Variants in FOXP2 observed in about 807,000 individuals in gnomAD.
FOXP2 encodes the protein forkhead box protein P2.
In FOXP2, 12 loss-of-function variants were observed where a neutral mutation model predicts 115.8. The ratio of observed to expected loss-of-function variants is 0.10; its 90% CI spans 0.07 to 0.17. The LOEUF is 0.17. FOXP2 is among the 10% of genes least tolerant of loss of function. The probability of loss-of-function intolerance (pLI) is 1.00; values close to 1 mark genes in which losing one functional copy is unlikely to be tolerated. For synonymous variants in FOXP2, 328 were observed against 297.7 expected, an observed-to-expected ratio of 1.10 and a Z score of -1.05; for missense variants, 629 against 843.5, an observed-to-expected ratio of 0.75 and a Z score of 3.15.
At chr7:114,521,727 A>T (rs1393046409) in intron 2 of FOXP2, among the ~76,000 whole-genome samples, 1 of 148,028 alleles carries the variant, frequency 6.8e-6, no homozygotes, top group African/African-American at 2.5e-5. Flanking sequence ...TATTGTGGTA[A>T]AGTCATGGGT....
chr7:114,260,798 A>G (rs764665242), intron 1 of FOXP2, among the ~76,000 whole-genome samples: 13 of 152,168 alleles, frequency 8.5e-5, no homozygotes, highest in Non-Finnish European at 1.8e-4. Flanking sequence ...AAGCTAGTGA[A>G]TATCTTAGTG....
chr7:114,626,543 C>G (rs1302461137), intron 3 of FOXP2, among the ~76,000 whole-genome samples: 77 of 147,660 alleles, frequency 5.2e-4, no homozygotes, highest in Admixed American at 5.2e-3. Context: ...CTCTCTCTCT[C>G]TCTCTCTCTG....
chr7:114,650,423 A>C (rs1200386491), intron 8 of FOXP2, among the ~76,000 whole-genome samples: 1 of 114,368 alleles, frequency 8.7e-6, no homozygotes, highest in African/African-American at 3.0e-5. Context: ...CCAAGAGTTC[A>C]TGGTGAAAAA....
intron 3 of FOXP2, among the ~76,000 whole-genome samples, chr7:114,549,564 A>T (rs903776343): frequency 5.9e-5 from 9 of 152,202 alleles, no homozygotes; most frequent in Admixed American, 1.3e-4. Flanking sequence ...ATTCTTGGAC[A>T]TGTTTGTCAT....
At chr7:114,573,077 G>C (rs1022769539) in intron 3 of FOXP2, among the ~76,000 whole-genome samples, 1 of 151,782 alleles carries the variant, frequency 6.6e-6, no homozygotes, top group Non-Finnish European at 1.5e-5. Context: ...GGTATGGCTG[G>C]TGGGAAAGGA....
chr7:114,415,912 G>T (rs756722830), intron 1 of FOXP2, among the ~76,000 whole-genome samples: 2 of 151,922 alleles, frequency 1.3e-5, no homozygotes, highest in Non-Finnish European at 2.9e-5. Context: ...GCATGTTCAT[G>T]ATTTTATTAA....
At chr7:114,524,117 G>C in intron 2 of FOXP2, among the ~76,000 whole-genome samples, 1 of 152,138 alleles carries the variant, frequency 6.6e-6, no homozygotes, top group East Asian at 1.9e-4. Flanking sequence ...TTTATTTATA[G>C]ATGATAACGT....
intron 2 of FOXP2, among the ~76,000 whole-genome samples, chr7:114,457,375 TCTA>T (rs1795355594): frequency 6.6e-6 from 1 of 152,188 alleles, no homozygotes; most frequent in Non-Finnish European, 1.5e-5. Flanking sequence ...GGTTAAGTTC[TCTA>T]CTTTTTATCC....
rs189457401 is a variant in FOXP2 at position 114,179,253 on chromosome 7, T to G, written c.-102+16165T>G. Reference sequence around the variant, plus strand: ...TTTTAAATCTAGCAATATTTGAATTTAAATCTATATAGATCATGAATTGAG... The same window carrying G: ...TTTTAAATCTAGCAATATTTGAATTGAAATCTATATAGATCATGAATTGAG... On this transcript the variant is annotated intron_variant, in intron 1 of 17. Coordinates refer to the FOXP2 transcript ENST00000634411. Among the ~76,000 whole-genome samples, 430 of 152,076 alleles carry G rather than the reference T, an allele frequency of 2.8e-3. 1 individual carries two copies. The highest frequency in any genetic ancestry group is 6.4e-3 in the Admixed American group (98 of 15,254).
At chr7:114,395,013 T>C (rs1417040386) in intron 2 of FOXP2, among the ~76,000 whole-genome samples, 1 of 152,166 alleles carries the variant, frequency 6.6e-6, no homozygotes, top group African/African-American at 2.4e-5. Context: ...AATTCTTGTT[T>C]CTAAGAAATG....
At chr7:114,559,560 ACT>A (rs1399719871) in intron 3 of FOXP2, among the ~76,000 whole-genome samples, 5 of 152,068 alleles carry the variant, frequency 3.3e-5, no homozygotes, top group South Asian at 4.2e-4. Flanking sequence ...ATATTCTGTA[ACT>A]CTTGTTAATT....
At chr7:114,654,635 CT>C (rs1363383110) in intron 10 of FOXP2, among the ~76,000 whole-genome samples, 1 of 152,068 alleles carries the variant, frequency 6.6e-6, no homozygotes, top group Non-Finnish European at 1.5e-5. Flanking sequence ...GAGATTTAAG[CT>C]CAACCTAATA....
chr7:114,647,026 A>G (rs1044353238), intron 8 of FOXP2, among the ~76,000 whole-genome samples: 1 of 151,912 alleles, frequency 6.6e-6, no homozygotes, highest in Non-Finnish European at 1.5e-5. Flanking sequence ...CATTCTCCCT[A>G]AATTGTATAT....
intron 2 of FOXP2, among the ~76,000 whole-genome samples, chr7:114,488,023 TC>T (rs1306845185): frequency 1.3e-5 from 2 of 152,146 alleles, no homozygotes; most frequent in Non-Finnish European, 2.9e-5. Context: ...ATGCTGCTAA[TC>T]AAGACATACC....
At position 114,622,230 on chromosome 7, in the gene FOXP2, T is replaced by C. The variant is rs1749078098; in HGVS notation, c.259-6310T>C. On this transcript the variant is annotated intron_variant, in intron 3 of 16. Transcript: ENST00000350908. The stretch of plus-strand genomic sequence containing the variant: ...GCTTATTACCGTTAGCCCTTCTAAG[T>C]GTAATTTTCAGGAGAAAAAAAATTC... Among the ~76,000 whole-genome samples, 3 of 151,994 alleles carry C rather than the reference T, an allele frequency of 2.0e-5. No individual in the cohort carries two copies. In the South Asian group the frequency reaches 6.2e-4, roughly 32 times the overall value.
At chr7:114,370,208 C>T (rs530446301) in intron 2 of FOXP2, among the ~76,000 whole-genome samples, 2 of 152,218 alleles carry the variant, frequency 1.3e-5, no homozygotes, top group Admixed American at 6.5e-5. Context: ...TGTACTCTTT[C>T]TAATATGTGA....
intron 8 of FOXP2, among the ~76,000 whole-genome samples, chr7:114,649,552 AAG>A (rs563271749): frequency 2.8e-4 from 43 of 152,234 alleles, no homozygotes; most frequent in Non-Finnish European, 5.3e-4. Context: ...AAAAACATAA[AAG>A]AGAATAATTT....
intron 2 of FOXP2, among the ~76,000 whole-genome samples, chr7:114,315,938 A>G (rs1431490369): frequency 6.6e-6 from 1 of 152,226 alleles, no homozygotes; most frequent in Non-Finnish European, 1.5e-5. Flanking sequence ...TTTTCCCCAT[A>G]GGGCATATCA....
At chr7:114,570,664 C>G in intron 3 of FOXP2, 1 of 682,608 alleles carries the variant, frequency 1.5e-6, no homozygotes, top group East Asian at 2.8e-5. Flanking sequence ...AACTGTGAGA[C>G]AATGATGGAA....
Sources: gnomAD v4.1 joint callset for allele counts (sites outside exome capture counted in the v4.1 genomes callset) on GRCh38, gnomAD v4.1.1 for gene constraint, MANE v1.5 for transcripts, NCBI Gene and HGNC (gene_info 2026-07-23, HGNC 2026-07-21) for gene names.